ZNF385D: variants seen among roughly 807,000 people sequenced by gnomAD.
ZNF385D encodes the protein zinc finger protein 659.
A neutral mutation model predicts 35.8 loss-of-function variants in ZNF385D; 15 were observed. That is an observed-to-expected ratio of 0.42 (90% CI 0.28 to 0.64). The LOEUF (loss-of-function observed/expected upper bound fraction) is 0.64, where lower values mean the gene tolerates loss of function less well. ZNF385D is among the 30% of genes least tolerant of loss of function. ZNF385D has a pLI of 0.23. For missense variants in ZNF385D, 474 were observed against 494.6 expected (o/e 0.96, Z 0.39); for synonymous variants, 212 against 186.8 (o/e 1.13, Z -1.10).
At chr3:21,900,199 G>A (rs1436440287) in intron 3 of ZNF385D, among the ~76,000 whole-genome samples, 1 of 152,114 alleles carries the variant, frequency 6.6e-6, no homozygotes, top group African/African-American at 2.4e-5. Flanking sequence ...AAGCAGAAAA[G>A]GGAAACATTG....
intron 2 of ZNF385D, among the ~76,000 whole-genome samples, chr3:21,619,304 T>G (rs2064935362): frequency 6.6e-6 from 1 of 152,154 alleles, no homozygotes; most frequent in Non-Finnish European, 1.5e-5. Flanking sequence ...AAACCCATCC[T>G]CACAGTGACT....
chr3:21,970,158 C>G (rs1703157875), intron 3 of ZNF385D, among the ~76,000 whole-genome samples: 1 of 152,104 alleles, frequency 6.6e-6, no homozygotes, highest in South Asian at 2.1e-4. Context: ...CTTCAATACT[C>G]TGACACCAAT....
chr3:21,764,656 G>A (rs1240749052), intron 3 of ZNF385D, among the ~76,000 whole-genome samples: 2 of 152,122 alleles, frequency 1.3e-5, no homozygotes, highest in African/African-American at 4.8e-5. Flanking sequence ...CATGGAAGCT[G>A]AGCATTGAAT....
Position 21,619,537 on chromosome 3 carries a change from A to T in ZNF385D, c.165+45349T>A, listed in dbSNP as rs112587521. ...TCATAACCCATTATCCAACCAAAAC[A>T]ACACTGATAAAACACAAATCCGATG... On this transcript the variant is annotated intron_variant, in intron 2 of 7. Transcript: ENST00000281523. Among the ~76,000 whole-genome samples the T allele has an allele frequency of 7.7e-3, 1,175 of 152,190 alleles. 16 individuals carry two copies. Among genetic ancestry groups the T allele is most frequent in the African/African-American group, 0.027 (1,108 of 41,506 alleles).
Position 21,412,365 on chromosome 3 carries a change from C to G in ZNF385D, c.*8849G>C, listed in dbSNP as rs1459930305. 4.6e-5 allele frequency: 7 copies of G among 151,932 alleles called. No homozygotes were observed. Among genetic ancestry groups the G allele is most frequent in the Non-Finnish European group, 1.0e-4 (7 of 67,954 alleles). The allele number at this position is 151,932 out of a possible 1,614,324, so 9.4% of individuals were successfully genotyped here. A position where few individuals can be genotyped will look rare whatever the true frequency, so the allele number is the denominator to read the frequency against. ...TATAGGTTTACCATAACTCTCAGAACAGGAGTATATTACAAACAAGTGGAA... is the reference window on the plus strand; with the variant it reads ...TATAGGTTTACCATAACTCTCAGAAGAGGAGTATATTACAAACAAGTGGAA... On this transcript the variant is annotated 3_prime_UTR_variant, in exon 8 of 8. Coordinates refer to ENST00000281523, the MANE Select transcript of ZNF385D (RefSeq NM_024697.3).
At chr3:21,761,288 TACA>T (rs2070596935) in intron 3 of ZNF385D, among the ~76,000 whole-genome samples, 2 of 152,202 alleles carry the variant, frequency 1.3e-5, no homozygotes, top group Admixed American at 1.3e-4. Flanking sequence ...ATTCCCAACC[TACA>T]ACAACTGTGT....
intron 2 of ZNF385D, among the ~76,000 whole-genome samples, chr3:21,623,595 G>T (rs1195857983): frequency 6.6e-6 from 1 of 152,012 alleles, no homozygotes; most frequent in African/African-American, 2.4e-5. Context: ...TGGAAATTGA[G>T]CCCACAATGA....
At chr3:22,314,014 A>C (rs1703743213) in intron 2 of ZNF385D, among the ~76,000 whole-genome samples, 1 of 152,262 alleles carries the variant, frequency 6.6e-6, no homozygotes, top group Non-Finnish European at 1.5e-5. Flanking sequence ...TCCTTCTGGA[A>C]ATGGCAGTGC....
At chr3:21,963,225 G>C (rs962559956) in intron 3 of ZNF385D, among the ~76,000 whole-genome samples, 9 of 152,180 alleles carry the variant, frequency 5.9e-5, no homozygotes, top group African/African-American at 2.2e-4. Context: ...TGTGGGAGAA[G>C]TTTATCACCT....
chr3:21,888,574 C>T (rs927267262), intron 3 of ZNF385D, among the ~76,000 whole-genome samples: 53 of 151,904 alleles, frequency 3.5e-4, no homozygotes, highest in African/African-American at 1.3e-3. Flanking sequence ...TTCAGTGTTG[C>T]TGCGGAAACA....
intron 2 of ZNF385D, among the ~76,000 whole-genome samples, chr3:22,330,645 A>T (rs73039270): frequency 0.073 from 11,045 of 151,648 alleles, 587 homozygotes; most frequent in African/African-American, 0.15. Flanking sequence ...TTTCCATCTC[A>T]CTCTGGTTCT....
At chr3:21,448,484 T>A (rs1005126860) in intron 4 of ZNF385D, among the ~76,000 whole-genome samples, 2 of 152,166 alleles carry the variant, frequency 1.3e-5, no homozygotes, top group Admixed American at 1.3e-4. Context: ...CTCTTCAAAG[T>A]AGTTTCCATG....
At chr3:22,319,978 C>G (rs779744457) in intron 2 of ZNF385D, among the ~76,000 whole-genome samples, 3 of 151,968 alleles carry the variant, frequency 2.0e-5, no homozygotes, top group Non-Finnish European at 2.9e-5. Context: ...CATCAGAACT[C>G]TCTTTGACTG....
At chr3:21,622,744 G>A (rs1481626302) in intron 2 of ZNF385D, among the ~76,000 whole-genome samples, 1 of 151,882 alleles carries the variant, frequency 6.6e-6, no homozygotes, top group African/African-American at 2.4e-5. Context: ...AAAATAATGT[G>A]GTTTGCTTAA....
In ZNF385D at chr3:21,450,006, C is replaced by CTGGG. The variant is rs1702364006; in HGVS notation, c.440-12807_440-12804dup. On this transcript the variant is annotated intron_variant, in intron 4 of 7. Coordinates refer to ENST00000281523, the MANE Select transcript of ZNF385D (RefSeq NM_024697.3). ...AAAGAAGTCAGAGCCAGAAGGCAAG[C>CTGGG]TGGGTGAGAAGAAAAAGGTCCCAGG... Among the ~76,000 whole-genome samples the CTGGG allele has an allele frequency of 2.6e-5, 4 of 152,178 alleles. No individual in the cohort carries two copies. The South Asian group carries it at 8.3e-4, about 31-fold the overall frequency.
At chr3:22,022,079 T>C (rs192078769) in intron 3 of ZNF385D, among the ~76,000 whole-genome samples, 167 of 152,226 alleles carry the variant, frequency 1.1e-3, no homozygotes, top group Middle Eastern at 3.4e-3. Context: ...AGTAAAATTG[T>C]AGTAACTGAT....
At chr3:21,921,672 A>G (rs13078547) in intron 3 of ZNF385D, among the ~76,000 whole-genome samples, 81,015 of 151,628 alleles carry the variant, frequency 0.53, 23,680 homozygotes, top group South Asian at 0.66. Flanking sequence ...AGCCAAGAAT[A>G]TATGTCTTCA....
intron 3 of ZNF385D, among the ~76,000 whole-genome samples, chr3:21,958,371 G>A (rs1473488194): frequency 6.6e-6 from 1 of 152,036 alleles, no homozygotes; most frequent in Non-Finnish European, 1.5e-5. Context: ...ATTTGTGTAA[G>A]TTTCATACCT....
intron 3 of ZNF385D, among the ~76,000 whole-genome samples, chr3:21,813,294 C>T (rs575350486): frequency 2.6e-5 from 4 of 152,176 alleles, no homozygotes; most frequent in Non-Finnish European, 4.4e-5. Context: ...ACCTCTTCTC[C>T]TCTAAAGGAA....
Sources: allele counts gnomAD v4.1 joint callset (sites outside exome capture counted in the v4.1 genomes callset), GRCh38; gene constraint gnomAD v4.1.1; transcripts MANE v1.5; gene names NCBI Gene and HGNC (gene_info 2026-07-23, HGNC 2026-07-21).